Variants in PCDHGA7 observed in about 807,000 individuals in gnomAD.
PCDHGA7 encodes the protein protocadherin gamma subfamily A, 7, also known as protocadherin gamma-A7.
In PCDHGA7, 44 loss-of-function variants were observed where a neutral mutation model predicts 58.3. The observed-to-expected ratio is 0.75, with a 90% CI of 0.59 to 0.97. The LOEUF is 0.97. Ranked by LOEUF, PCDHGA7 falls within the 50% of genes least tolerant of loss-of-function variation. The pLI is 0.00. For missense variants in PCDHGA7, 1,266 were observed against 1,188.7 expected, an observed-to-expected ratio of 1.06 and a Z score of -0.96; for synonymous variants, 516 against 504.2, an observed-to-expected ratio of 1.02 and a Z score of -0.31.
chr5:141,393,171 G>A (rs768471669), intron 1 of PCDHGA7: 1 of 1,613,268 alleles, frequency 6.2e-7, no homozygotes, highest in Non-Finnish European at 8.5e-7. Context: ...CTTTGGGGTA[G>A]AAATAGAAAT....
chr5:141,394,208 C>A (rs972602841), intron 1 of PCDHGA7: 6 of 1,613,930 alleles, frequency 3.7e-6, no homozygotes, highest in Non-Finnish European at 5.1e-6. Context: ...TAGAGAACAA[C>A]CTGAGAGGAG....
intron 1 of PCDHGA7, chr5:141,441,910 G>A: frequency 2.9e-6 from 1 of 349,440 alleles, no homozygotes; most frequent in Non-Finnish European, 5.5e-6. Flanking sequence ...AGACGCAGAT[G>A]TGAGACACAA....
intron 1 of PCDHGA7, chr5:141,403,037 A>G (rs1561685258): frequency 9.3e-6 from 15 of 1,613,972 alleles, no homozygotes; most frequent in South Asian, 5.5e-5. Flanking sequence ...GGCCAGGGCC[A>G]GTCAGATTCG....
In PCDHGA7 at chr5:141,459,352, C is replaced by T. The variant is rs111826527; in HGVS notation, c.2425-35455C>T. On this transcript the variant is annotated intron_variant, in intron 1 of 3. Coordinates refer to ENST00000518325, the MANE Select transcript of PCDHGA7 (RefSeq NM_018920.4). Reference sequence around the variant, plus strand: ...TACTCCAAAGTTCTTGAAATTCATTCATGTTCCTGTGTGTATCAGCAGCGT... The same window carrying T: ...TACTCCAAAGTTCTTGAAATTCATTTATGTTCCTGTGTGTATCAGCAGCGT... 1.4e-4 allele frequency among the ~76,000 whole-genome samples: 21 copies of T among 152,304 alleles called. No homozygotes were observed. The East Asian group carries it at 3.7e-3, about 27-fold the overall frequency.
chr5:141,500,618 C>T (rs554274946), intron 2 of PCDHGA7, among the ~76,000 whole-genome samples: 1 of 152,262 alleles, frequency 6.6e-6, no homozygotes, highest in South Asian at 2.1e-4. Flanking sequence ...CCCAGTCATA[C>T]GGTACATTTC....
Position 141,432,076 on chromosome 5 carries a change from G to T in PCDHGA7, c.2424+46753G>T. ...CCCTATCCACGGAAACTCATATCTC[G>T]CTGAACGTGGCAGACACCAACGACA... On this transcript the variant is annotated intron_variant, in intron 1 of 3. Transcript: ENST00000518325. This position sits in a 1 kb window ranked among gnomAD's most constrained non-coding sequence, Gnocchi z 6.0. 1.2e-6 allele frequency: 2 copies of T among 1,614,160 alleles called. No homozygotes were observed. Among genetic ancestry groups the T allele is most frequent in the Non-Finnish European group, 1.7e-6 (2 of 1,180,024 alleles).
intron 1 of PCDHGA7, chr5:141,393,578 G>T: frequency 6.2e-7 from 1 of 1,613,930 alleles, no homozygotes; most frequent in Non-Finnish European, 8.5e-7. Context: ...TTGAGAACAT[G>T]CCCCCAGGCA....
At chr5:141,444,138 C>CTTGTGTG (rs2098418688) in intron 1 of PCDHGA7, among the ~76,000 whole-genome samples, 1 of 122,946 alleles carries the variant, frequency 8.1e-6, no homozygotes, top group South Asian at 2.7e-4. Flanking sequence ...ATATGTGTCA[C>CTTGTGTG]TTGTGTGTAC....
At chr5:141,427,986 G>C in intron 1 of PCDHGA7, 1 of 1,598,018 alleles carries the variant, frequency 6.3e-7, no homozygotes, top group East Asian at 2.2e-5. Context: ...GCTGGGGCCC[G>C]ATGGCTCCGC....
intron 1 of PCDHGA7, chr5:141,408,156 T>C: frequency 6.6e-7 from 1 of 1,512,436 alleles, no homozygotes; most frequent in Non-Finnish European, 8.9e-7. Context: ...TAGAGTGCAC[T>C]TTCTCCAACT....
At chr5:141,447,798 A>G (rs2098551922) in intron 1 of PCDHGA7, among the ~76,000 whole-genome samples, 2 of 152,230 alleles carry the variant, frequency 1.3e-5, no homozygotes, top group Admixed American at 1.3e-4. Context: ...TTAAGAAAAT[A>G]AAATTGGCTG....
At chr5:141,420,468 T>G in intron 1 of PCDHGA7, 1 of 799,886 alleles carries the variant, frequency 1.3e-6, no homozygotes, top group East Asian at 3.3e-5. Context: ...CAAAGACATT[T>G]TAAAGCAAAC....
At chr5:141,419,182 C>T in intron 1 of PCDHGA7, 2 of 1,613,986 alleles carry the variant, frequency 1.2e-6, no homozygotes, top group Non-Finnish European at 1.7e-6. Context: ...TAACCCTGCA[C>T]ATTACTGACG....
rs1050545030 is a variant in PCDHGA7, at chr5:141,410,711, A to G, written c.2424+25388A>G. The G allele has an allele frequency of 4.2e-6, 6 of 1,436,568 alleles. No individual in the cohort carries two copies. In the African/African-American group the frequency reaches 7.6e-5, roughly 18 times the overall value. The allele number at this position is 1,436,568 out of a possible 1,614,324, so 89.0% of individuals were successfully genotyped here. A position where few individuals can be genotyped will look rare whatever the true frequency, so the allele number is the denominator to read the frequency against. ...CTACTTTATTTTCATATCTAGAATC[A>G]TATGTTTAAAATCCATAGCTTTTTA... On this transcript the variant is annotated intron_variant, in intron 1 of 3. Transcript: ENST00000518325.
chr5:141,390,025 G>T lies in PCDHGA7; in HGVS notation c.2424+4702G>T, dbSNP rs762363185. On this transcript the variant is annotated intron_variant, in intron 1 of 3. Coordinates refer to ENST00000518325, the MANE Select transcript of PCDHGA7 (RefSeq NM_018920.4). ...ATTCTGGCCATTGCCTTGCGCCTGC[G>T]ACGCTCCTCCAGCCCCGCCTCCTGG... The T allele has an allele frequency of 3.0e-5, 48 of 1,613,882 alleles. No individual in the cohort carries two copies. The East Asian group carries it at 1.1e-3, about 36-fold the overall frequency.
chr5:141,420,030 G>A (rs1269646706), intron 1 of PCDHGA7: 1 of 1,613,940 alleles, frequency 6.2e-7, no homozygotes, highest in Non-Finnish European at 8.5e-7. Flanking sequence ...CCTACTGCAG[G>A]AGACTGCTTT....
chr5:141,395,221 A>G, intron 1 of PCDHGA7: 1 of 1,611,672 alleles, frequency 6.2e-7, no homozygotes, highest in Non-Finnish European at 8.5e-7. Context: ...TATAAGAATG[A>G]AGCTGATCAT....
chr5:141,423,755 G>GC (rs542747697), intron 1 of PCDHGA7: 5,773 of 512,484 alleles, frequency 0.011, 63 homozygotes, highest in Non-Finnish European at 0.014. Context: ...CTGTTTGGGG[G>GC]GGGGGTGGGG....
At chr5:141,447,768 T>C (rs1392134454) in intron 1 of PCDHGA7, among the ~76,000 whole-genome samples, 1 of 152,212 alleles carries the variant, frequency 6.6e-6, no homozygotes, top group East Asian at 1.9e-4. Context: ...ATATAAATTA[T>C]ACTTTAATTG....
Sources: gnomAD v4.1 joint callset for allele counts (sites outside exome capture counted in the v4.1 genomes callset) on GRCh38, gnomAD v4.1.1 for gene constraint, Gnocchi (gnomAD v3.1) non-coding constraint, MANE v1.5 for transcripts, NCBI Gene and HGNC (gene_info 2026-07-23, HGNC 2026-07-21) for gene names.